The following IGSF21 variants were observed in gnomAD, a reference collection of about 807,000 sequenced individuals.
IGSF21 encodes the protein immunoglobulin superfamily member 21.
IGSF21 carries 28 observed loss-of-function variants against 46.8 expected under a neutral mutation model. The observed-to-expected ratio is 0.60, with a 90% CI of 0.44 to 0.82. IGSF21 has a LOEUF of 0.82. Ranked by LOEUF, IGSF21 falls within the 40% of genes least tolerant of loss-of-function variation. The pLI is 0.00. For missense variants in IGSF21, 624 were observed against 665.5 expected, an observed-to-expected ratio of 0.94 and a Z score of 0.69; for synonymous variants, 284 against 273.6, an observed-to-expected ratio of 1.04 and a Z score of -0.38.
rs544176932 is a variant in IGSF21, at chr1:18,363,535, G to A, written c.540+1305G>A. 1.4e-3 allele frequency among the ~76,000 whole-genome samples: 220 copies of A among 151,752 alleles called. 3 individuals are homozygous for A. Among genetic ancestry groups the A allele is most frequent in the Non-Finnish European group, 1.0e-3 (69 of 67,884 alleles). On this transcript the variant is annotated intron_variant, in intron 5 of 9. Transcript: ENST00000251296. The stretch of plus-strand genomic sequence containing the variant: ...GATGCAGAGACACAGGTGGGACAGC[G>A]GGCAAGGGCACAGAGACATAGGTGA...
intron 1 of IGSF21, among the ~76,000 whole-genome samples, chr1:18,175,936 T>G (rs932694716): frequency 1.3e-5 from 2 of 152,242 alleles, no homozygotes; most frequent in African/African-American, 4.8e-5. Context: ...TGGCAGTAGA[T>G]CATGCCCAGC....
chr1:18,192,454 T>C (rs1231162695), intron 1 of IGSF21, among the ~76,000 whole-genome samples: 1 of 152,258 alleles, frequency 6.6e-6, no homozygotes, highest in African/African-American at 2.4e-5. Flanking sequence ...CAACATACTT[T>C]GAGGGTGCCT....
At position 18,354,454 on chromosome 1, in the gene IGSF21, T is replaced by G. The variant is rs558003746; in HGVS notation, c.425-7661T>G. Among the ~76,000 whole-genome samples the G allele has an allele frequency of 9.9e-5, 15 of 152,268 alleles. 1 individual carries two copies. The South Asian group carries it at 2.9e-3, about 30-fold the overall frequency. ...TAAAGTAGGGAATATGGAGGGACAT[T>G]TATATTCATGGACACTTTTATATTA... is the stretch of plus-strand genomic sequence containing the variant. On this transcript the variant is annotated intron_variant, in intron 4 of 9. Transcript: ENST00000251296.
chr1:18,354,325 G>A (rs1225514550), intron 4 of IGSF21, among the ~76,000 whole-genome samples: 1 of 152,160 alleles, frequency 6.6e-6, no homozygotes, highest in African/African-American at 2.4e-5. Flanking sequence ...CAGAGGAGGT[G>A]CTCTTTTGAG....
At chr1:18,259,829 T>C (rs572478690) in intron 2 of IGSF21, among the ~76,000 whole-genome samples, 1 of 152,278 alleles carries the variant, frequency 6.6e-6, no homozygotes, top group Admixed American at 6.5e-5. Flanking sequence ...AATGGCGGGC[T>C]TGGGAACCCA....
intron 2 of IGSF21, among the ~76,000 whole-genome samples, chr1:18,233,084 C>T (rs770228290): frequency 2.0e-5 from 3 of 152,218 alleles, no homozygotes; most frequent in East Asian, 3.8e-4. Context: ...TAACCTTTTA[C>T]AGCAGTTTTT....
At chr1:18,357,882 G>A (rs2124626185) in intron 4 of IGSF21, among the ~76,000 whole-genome samples, 1 of 152,240 alleles carries the variant, frequency 6.6e-6, no homozygotes, top group African/African-American at 2.4e-5. Flanking sequence ...GATGTTAACA[G>A]CTCTGCTATG....
At chr1:18,281,354 G>A (rs1377877506) in intron 2 of IGSF21, among the ~76,000 whole-genome samples, 1 of 152,092 alleles carries the variant, frequency 6.6e-6, no homozygotes, top group Non-Finnish European at 1.5e-5. Flanking sequence ...GAGGTCAGGA[G>A]TTCGAGACCA....
intron 1 of IGSF21, among the ~76,000 whole-genome samples, chr1:18,208,350 G>T (rs2084353128): frequency 1.6e-5 from 2 of 121,722 alleles, no homozygotes; most frequent in African/African-American, 2.9e-5. Context: ...TTCGGGTTTT[G>T]GGCAGTTCTC....
intron 1 of IGSF21, among the ~76,000 whole-genome samples, chr1:18,133,068 A>G (rs1280920351): frequency 6.6e-6 from 1 of 152,248 alleles, no homozygotes; most frequent in African/African-American, 2.4e-5. Context: ...CAATTAAGGA[A>G]AAGCATAAAT....
At chr1:18,355,857 C>T (rs573904783) in intron 4 of IGSF21, among the ~76,000 whole-genome samples, 3 of 109,288 alleles carry the variant, frequency 2.7e-5, no homozygotes, top group African/African-American at 7.5e-5. Context: ...TTTTTTGAGA[C>T]GGAGTTTCGC....
In IGSF21 at chr1:18,377,050, G is replaced by T. The variant is rs10465915; in HGVS notation, c.1294+58G>T. ...AACCACAGGGGCGGGTCCTGTCTGGGAGGTTTCCCCAGGAGGAAGAAGCAG... is the reference window on the plus strand; with the variant it reads ...AACCACAGGGGCGGGTCCTGTCTGGTAGGTTTCCCCAGGAGGAAGAAGCAG... On this transcript the variant is annotated intron_variant, in intron 8 of 9. Transcript: ENST00000251296. 22 of 1,519,078 alleles carry T rather than the reference G, an allele frequency of 1.4e-5. No homozygotes were observed. In the South Asian group the frequency reaches 2.7e-4, roughly 19 times the overall value. The allele number at this position is 1,519,078 out of a possible 1,614,324, so 94.1% of individuals were successfully genotyped here. A position where few individuals can be genotyped will look rare whatever the true frequency, so the allele number is the denominator to read the frequency against.
intron 2 of IGSF21, among the ~76,000 whole-genome samples, chr1:18,271,287 A>C (rs2085040156): frequency 6.6e-6 from 1 of 152,048 alleles, no homozygotes; most frequent in African/African-American, 2.4e-5. Flanking sequence ...CATAACTTCA[A>C]CCCATTAATG....
At chr1:18,124,177 A>T (rs1383036720) in intron 1 of IGSF21, among the ~76,000 whole-genome samples, 1 of 152,204 alleles carries the variant, frequency 6.6e-6, no homozygotes, top group Non-Finnish European at 1.5e-5. Context: ...CATTGAAGCC[A>T]AAATAGGGGT....
chr1:18,261,198 G>A (rs530838704), intron 2 of IGSF21, among the ~76,000 whole-genome samples: 1 of 152,346 alleles, frequency 6.6e-6, no homozygotes, highest in South Asian at 2.1e-4. Flanking sequence ...GCAACTAAAT[G>A]AGAGGACGCA....
At chr1:18,235,225 T>C (rs2084661997) in intron 2 of IGSF21, among the ~76,000 whole-genome samples, 1 of 152,228 alleles carries the variant, frequency 6.6e-6, no homozygotes, top group African/African-American at 2.4e-5. Flanking sequence ...TCATGGCGTT[T>C]GTGAAACTCT....
chr1:18,270,380 G>A (rs1163864485), intron 2 of IGSF21, among the ~76,000 whole-genome samples: 1 of 152,218 alleles, frequency 6.6e-6, no homozygotes, highest in Non-Finnish European at 1.5e-5. Flanking sequence ...GGCAGAGGAT[G>A]GGGGTGGGCC....
Position 18,285,288 on chromosome 1 carries a change from C to G in IGSF21, c.184-6578C>G, listed in dbSNP as rs551741213. 3.9e-5 allele frequency among the ~76,000 whole-genome samples: 6 copies of G among 151,972 alleles called. No homozygotes were observed. In the East Asian group the frequency reaches 1.2e-3, roughly 29 times the overall value. On this transcript the variant is annotated intron_variant, in intron 2 of 9. Transcript: ENST00000251296. ...TGTTTTTCAAATTAAACAGCCAGGC[C>G]GGTCAGCGGGCTCTCACACTGCTGG...
chr1:18,123,177 T>C (rs1305511173), intron 1 of IGSF21, among the ~76,000 whole-genome samples: 1 of 152,176 alleles, frequency 6.6e-6, no homozygotes, highest in Non-Finnish European at 1.5e-5. Flanking sequence ...CATTCTAAGA[T>C]TATTCGATGG....
Sources: gnomAD v4.1 joint callset for allele counts (sites outside exome capture counted in the v4.1 genomes callset) on GRCh38, gnomAD v4.1.1 for gene constraint, MANE v1.5 for transcripts, NCBI Gene and HGNC (gene_info 2026-07-23, HGNC 2026-07-21) for gene names.